ARSF: variants seen among roughly 807,000 people sequenced by gnomAD.
ARSF encodes arylsulfatase F.
A neutral mutation model predicts 35.4 loss-of-function variants in ARSF; 33 were observed. The ratio of observed to expected loss-of-function variants is 0.93; its 90% CI spans 0.71 to 1.25. The LOEUF is 1.25. Among genes scored for constraint, ARSF ranks in the 50% most tolerant of loss-of-function variants. The pLI, the probability that ARSF is intolerant of heterozygous loss-of-function variation, is 0.00. For synonymous variants in ARSF, 222 were observed against 193.1 expected (o/e 1.15, Z -1.24); for missense variants, 501 against 480.2 (o/e 1.04, Z -0.40).
At chrX:3,094,077 T>C (rs2090322555) in intron 7 of ARSF, among the ~76,000 whole-genome samples, 1 of 112,050 alleles carries the variant, frequency 8.9e-6, no homozygotes. Flanking sequence ...AATAAACACT[T>C]TTAAAAGTGA....
intron 7 of ARSF, among the ~76,000 whole-genome samples, chrX:3,092,367 C>T (rs906137582): frequency 2.7e-5 from 3 of 111,720 alleles, no homozygotes; most frequent in Non-Finnish European, 5.6e-5. Flanking sequence ...TGAAATAGGT[C>T]ATTCAAACTC....
Position 3,064,696 on chromosome X carries a change from G to GA in ARSF, c.-28-3371dup, listed in dbSNP as rs755007377. On this transcript the variant is annotated intron_variant, in intron 1 of 10. Coordinates refer to ENST00000381127, the MANE Select transcript of ARSF (RefSeq NM_001201539.2). Reference sequence around the variant, plus strand: ...ACATTTATGCAGCCAAAAGACACATGAAAAAATGCTCACCATCACTGGCCA... The same window carrying GA: ...ACATTTATGCAGCCAAAAGACACATGAAAAAAATGCTCACCATCACTGGCCA... 2.7e-5 allele frequency among the ~76,000 whole-genome samples: 3 copies of GA among 112,030 alleles called. No homozygotes were observed. In the East Asian group the frequency reaches 8.4e-4, roughly 31 times the overall value.
intron 10 of ARSF, 131 bp from the exon 11 acceptor site, chrX:3,112,043 C>G: frequency 2.0e-6 from 1 of 495,475 alleles, no homozygotes. Flanking sequence ...TGACCAGGTT[C>G]TTAACAGGCC....
chrX:3,082,247 G>A (rs945872507), intron 5 of ARSF, among the ~76,000 whole-genome samples: 2 of 111,547 alleles, frequency 1.8e-5, no homozygotes, highest in Non-Finnish European at 3.8e-5. Context: ...GAGCCCCTAG[G>A]ATTTGCAGTC....
At chrX:3,044,815 A>T (rs1232557397) in intron 1 of ARSF, among the ~76,000 whole-genome samples, 1 of 109,243 alleles carries the variant, frequency 9.2e-6, no homozygotes, top group Admixed American at 1.0e-4. Context: ...GGCACAGGAT[A>T]GGGGGCAGGG....
At position 3,080,895 on chromosome X, in the gene ARSF, G is replaced by A; in HGVS notation, c.288G>A (p.Met96Ile). ...LTGRYPIRSG[M>I]VSSGNRRVIQ... ...TTTTTTCCACACTACATCTAGGTAT[G>A]GTTTCTAGTGGTAATAGACGTGTCA... Residue 96 changes from methionine to isoleucine, a missense_variant, in exon 5 of 11, where the codon ATG becomes ATA. Physicochemically the swap from Met to Ile is conservative, Grantham distance 10. Coordinates refer to ENST00000381127, the MANE Select transcript of ARSF (RefSeq NM_001201539.2). 8.3e-7 allele frequency: 1 copy of A among 1,211,087 alleles called. No individual in the cohort carries two copies. The highest frequency in any genetic ancestry group is 1.1e-6 in the Non-Finnish European group (1 of 895,185).
intron 6 of ARSF, 60 bp from the exon 7 acceptor site, chrX:3,089,434 CAA>C (rs1232517329): frequency 8.6e-7 from 1 of 1,159,032 alleles, no homozygotes; most frequent in African/African-American, 1.8e-5. Context: ...GAAGCCAAAA[CAA>C]TAGTTTTCAC....
rs1215749618 is a variant in ARSF at position 3,075,827 on chromosome X, C to A, written c.162-721C>A. On this transcript the variant is annotated intron_variant, in intron 3 of 10. Transcript: ENST00000381127. ...TGTCTTTCTCTCTTTCCTTCTCTCTCCCTCTGTCTGTATCTTTCCATCTCT... is the reference window on the plus strand; with the variant it reads ...TGTCTTTCTCTCTTTCCTTCTCTCTACCTCTGTCTGTATCTTTCCATCTCT... Among the ~76,000 whole-genome samples, 3 of 108,988 alleles carry A rather than the reference C, an allele frequency of 2.8e-5. No individual in the cohort carries two copies. In the Admixed American group the frequency reaches 3.0e-4, roughly 11 times the overall value. The allele number at this position is 108,988 out of a possible 115,157, so 94.6% of individuals were successfully genotyped here.
At chrX:3,079,157 C>T (rs2090176183) in intron 4 of ARSF, among the ~76,000 whole-genome samples, 1 of 111,269 alleles carries the variant, frequency 9.0e-6, no homozygotes, top group Non-Finnish European at 1.9e-5. Context: ...ACAGTTTCTC[C>T]ATCCATTCAT....
intron 7 of ARSF, among the ~76,000 whole-genome samples, chrX:3,094,229 C>T (rs2090324038): frequency 8.9e-6 from 1 of 111,738 alleles, no homozygotes; most frequent in South Asian, 3.8e-4. Flanking sequence ...TTGGTGGCTG[C>T]TCCTGGAGAT....
chrX:3,055,480 A>T (rs1273668366), intron 1 of ARSF, among the ~76,000 whole-genome samples: 2 of 110,529 alleles, frequency 1.8e-5, no homozygotes, highest in Non-Finnish European at 3.8e-5. Flanking sequence ...CAAGTCAACC[A>T]GTCAGGAAAT....
intron 1 of ARSF, among the ~76,000 whole-genome samples, chrX:3,059,779 G>A (rs1481554867): frequency 8.9e-6 from 1 of 112,685 alleles, no homozygotes; most frequent in Non-Finnish European, 1.9e-5. Flanking sequence ...AAACAATGTG[G>A]CCAGGGAAGC....
In ARSF at chrX:3,084,581, C is replaced by CG; in HGVS notation, c.750dup (p.His251AlafsTer11). ...TTTATACTGGGACTGCCTCCTCATG[C>CG]GGGGGCACGAGATCACGGAGCAGCC... On this transcript the variant is annotated frameshift_variant, in exon 6 of 11. Coordinates refer to ENST00000381127, the MANE Select transcript of ARSF (RefSeq NM_001201539.2). LOFTEE classifies it high-confidence loss of function. 5 of 1,210,504 alleles carry CG rather than the reference C, an allele frequency of 4.1e-6. No individual in the cohort carries two copies. Among genetic ancestry groups the CG allele is most frequent in the Non-Finnish European group, 5.6e-6 (5 of 894,844 alleles).
At chrX:3,040,658 C>A (rs1457442303), upstream of ARSF, among the ~76,000 whole-genome samples, 1 of 110,803 alleles carries the variant, frequency 9.0e-6, no homozygotes, top group Non-Finnish European at 1.9e-5. Flanking sequence ...AAAAACCACC[C>A]CTGGGTGGTA....
At chrX:3,102,866 A>T (rs760791132) in intron 8 of ARSF, among the ~76,000 whole-genome samples, 2 of 110,208 alleles carry the variant, frequency 1.8e-5, no homozygotes, top group African/African-American at 6.6e-5. Context: ...GAGCCGCGAT[A>T]GCACCACTGC....
chrX:3,066,903 T>A (rs1028010196), intron 1 of ARSF: 1 of 77,943 alleles, frequency 1.3e-5, no homozygotes, highest in Admixed American at 1.6e-4. Flanking sequence ...TTGGACACAT[T>A]TTCTCAGCCT....
chrX:3,056,498 A>C (rs983373071), intron 1 of ARSF, among the ~76,000 whole-genome samples: 1 of 108,833 alleles, frequency 9.2e-6, no homozygotes, highest in Admixed American at 9.9e-5. Context: ...CTGGTCTCGA[A>C]CTCCTGGGCT....
At chrX:3,080,324 AT>A (rs2090190418) in intron 4 of ARSF, among the ~76,000 whole-genome samples, 1 of 109,563 alleles carries the variant, frequency 9.1e-6, no homozygotes, top group African/African-American at 3.3e-5. Context: ...AAATACAAAA[AT>A]TAGCTGGGTG....
rs368461537 is a variant in ARSF at position 3,072,182 on chromosome X, C to T, written c.161+7C>T. On this transcript the variant is annotated splice_region_variant and intron_variant, in intron 3 of 10. Transcript: ENST00000381127. ...ACGGCAATGACACCATGAGGTAAGG[C>T]GGTTTCATGGCCAGTCATACGTTCG... 2.3e-5 allele frequency: 28 copies of T among 1,204,389 alleles called. No individual in the cohort carries two copies. In the African/African-American group the frequency reaches 3.0e-4, roughly 13 times the overall value.
Sources: allele counts gnomAD v4.1 joint callset (sites outside exome capture counted in the v4.1 genomes callset), GRCh38; gene constraint gnomAD v4.1.1; transcripts MANE v1.5; gene names NCBI Gene and HGNC (gene_info 2026-07-23, HGNC 2026-07-21).